TTC21A: variants seen among roughly 807,000 people sequenced by gnomAD.
TTC21A encodes the protein tetratricopeptide repeat domain 21A.
TTC21A carries 128 observed loss-of-function variants against 156.4 expected under a neutral mutation model. That is an observed-to-expected ratio of 0.82 (90% CI 0.71 to 0.95). The LOEUF (loss-of-function observed/expected upper bound fraction) is 0.95, where lower values mean the gene tolerates loss of function less well. TTC21A is among the 40% of genes least tolerant of loss of function. TTC21A has a pLI of 0.00. For missense variants in TTC21A, 1,435 were observed against 1,602.3 expected (o/e 0.90, Z 1.78); for synonymous variants, 587 against 617.1 (o/e 0.95, Z 0.72).
At chr3:39,108,188 A>G (rs2036409617) in intron 1 of TTC21A, 3 of 546,912 alleles carry the variant, frequency 5.5e-6, no homozygotes, top group Non-Finnish European at 9.7e-6. Context: ...TGGCTTCACC[A>G]TTTAATCTCC....
Position 39,134,220 on chromosome 3 carries a change from G to A in TTC21A, c.2754G>A (p.Val918=), listed in dbSNP as rs1559713663. 1.2e-6 allele frequency: 2 copies of A among 1,610,744 alleles called. No individual in the cohort carries two copies. Among genetic ancestry groups the A allele is most frequent in the South Asian group, 1.1e-5 (1 of 91,004 alleles). Residue 918 remains valine (V), a splice_region_variant and synonymous_variant, in exon 21 of 29, where the codon GTG becomes GTA. Coordinates refer to ENST00000683103, the MANE Select transcript of TTC21A (RefSeq NM_001366900.1). This position sits in a 1 kb window ranked among gnomAD's most constrained non-coding sequence, Gnocchi z 4.6. ...TATTATATCCGGCCTTGTCCCAGGTGATGCTGGAGCTGGCGCAGCTCTACC... is the reference window on the plus strand; with the variant it reads ...TATTATATCCGGCCTTGTCCCAGGTAATGCTGGAGCTGGCGCAGCTCTACC... ...VFSYLPTDNK[V]MLELAQLYLL...
At chr3:39,113,696 T>C (rs1267617702) in intron 5 of TTC21A, among the ~76,000 whole-genome samples, 1 of 152,250 alleles carries the variant, frequency 6.6e-6, no homozygotes, top group Admixed American at 6.5e-5. Context: ...AGTTTGTTTT[T>C]CTTCATGTAA....
chr3:39,126,161 G>A, intron 11 of TTC21A, 100 bp from the exon 12 acceptor site: 3 of 1,464,754 alleles, frequency 2.0e-6, no homozygotes, highest in Non-Finnish European at 1.9e-6. Flanking sequence ...AGTGTGGAAT[G>A]AAGCAAAATT....
Position 39,131,029 on chromosome 3 carries a change from C to T in TTC21A, c.2496C>T (p.Cys832=). The change falls in exon 19 of 29, where the codon TGC becomes TGT. Residue 832 remains cysteine, a synonymous_variant. Coordinates refer to ENST00000683103, the MANE Select transcript of TTC21A (RefSeq NM_001366900.1). ...DIPSMMNDVK[C]LLLLAKVYKS... is the part of the protein sequence containing the mutation. ...CATCCATGATGAATGATGTTAAGTG[C>T]CTGCTTTTGCTGGCAAAGGTTTACA... 6.2e-7 allele frequency: 1 copy of T among 1,613,862 alleles called. No individual in the cohort carries two copies. Among genetic ancestry groups the T allele is most frequent in the Non-Finnish European group, 8.5e-7 (1 of 1,180,018 alleles).
At chr3:39,128,306 G>A (rs369535806) in intron 12 of TTC21A, 25 bp from the exon 13 acceptor site, 3 of 1,612,042 alleles carry the variant, frequency 1.9e-6, no homozygotes, top group East Asian at 2.2e-5. Context: ...AACCCTGCAT[G>A]TAGAGGTTTG....
At chr3:39,108,074 G>C in intron 1 of TTC21A, 2 of 601,078 alleles carry the variant, frequency 3.3e-6, no homozygotes, top group South Asian at 4.0e-5. Flanking sequence ...CCCGTTTCTT[G>C]AGCTACCCCA....
Position 39,125,477 on chromosome 3 carries a change from A to C in TTC21A, c.1337A>C (p.Asp446Ala), listed in dbSNP as rs1414777487. ...PLGSEYFEKL[D>A]PYFLVCIAKE... Reference sequence around the variant, plus strand: ...GGCTCTGAGTACTTTGAAAAGCTGGACCCGTACTTCCTGGTCTGCATTGCT... The same window carrying C: ...GGCTCTGAGTACTTTGAAAAGCTGGCCCCGTACTTCCTGGTCTGCATTGCT... Residue 446 changes from aspartate (D) to alanine (A), a missense_variant, in exon 11 of 29, where the codon GAC becomes GCC. Coordinates refer to ENST00000683103, the MANE Select transcript of TTC21A (RefSeq NM_001366900.1). The C allele has an allele frequency of 6.2e-7, 1 of 1,614,012 alleles. No homozygotes were observed. The highest frequency in any genetic ancestry group is 2.2e-5 in the East Asian group (1 of 44,880).
At chr3:39,126,520 A>ACC in intron 12 of TTC21A, 130 bp downstream of exon 12, 1 of 821,594 alleles carries the variant, frequency 1.2e-6, no homozygotes, top group Non-Finnish European at 1.8e-6. Flanking sequence ...ACACACACAC[A>ACC]CTCTCCTTGC....
At position 39,125,457 on chromosome 3, in the gene TTC21A, T is replaced by C; in HGVS notation, c.1317T>C (p.Ser439=). ...GCATGCAAGGCATCCCTCTTGGCTC[T>C]GAGTACTTTGAAAAGCTGGACCCGT... The part of the protein sequence containing the change: ...FSSMQGIPLG[S]EYFEKLDPYF... The change falls in exon 11 of 29, where the codon TCT becomes TCC. Residue 439 remains serine, a synonymous_variant. Transcript: ENST00000683103. The C allele has an allele frequency of 6.2e-7, 1 of 1,614,118 alleles. No individual in the cohort carries two copies. The highest frequency in any genetic ancestry group is 8.5e-7 in the Non-Finnish European group (1 of 1,179,956).
At chr3:39,107,997 C>G in intron 1 of TTC21A, 133 bp downstream of exon 1, 1 of 1,132,482 alleles carries the variant, frequency 8.8e-7, no homozygotes, top group Non-Finnish European at 1.3e-6. Flanking sequence ...CTTTTCTTGC[C>G]CCACTCCCCC....
In TTC21A at chr3:39,118,507, G is replaced by A. The variant is rs992698603; in HGVS notation, c.801+354G>A. 54 of 328,480 alleles carry A rather than the reference G, an allele frequency of 1.6e-4. 1 individual carries two copies. The highest frequency in any genetic ancestry group is 8.6e-4 in the Middle Eastern group (1 of 1,158). 20.3% of individuals were successfully genotyped at this position (328,480 alleles called of 1,614,324 possible). The stretch of plus-strand genomic sequence containing the variant: ...ATGTGATAAGAAGTGGGAGAGTTTG[G>A]AACAGTCCCTGGCACACTACAGTAA... On this transcript the variant is annotated intron_variant, in intron 7 of 28. Transcript: ENST00000683103.
rs2038135915 is a variant in TTC21A, at chr3:39,125,354, T to A, written c.1214T>A (p.Leu405His). 1 of 1,614,052 alleles carries A rather than the reference T, an allele frequency of 6.2e-7. No individual in the cohort carries two copies. The highest frequency in any genetic ancestry group is 8.5e-7 in the Non-Finnish European group (1 of 1,180,010). ...KSEVLIFLQA[L>H]LMSRKHKGEE... ...CAGGTGCTAATTTTCCTCCAAGCCC[T>A]CCTGATGTCCAGGAAGCACAAGGGG... Residue 405 changes from leucine (L) to histidine (H), a missense_variant, in exon 11 of 29, where the codon CTC (leucine) becomes CAC (histidine). Transcript: ENST00000683103.
In TTC21A at chr3:39,136,346, T is replaced by C. The variant is rs752281459; in HGVS notation, c.2945-11T>C. The C allele has an allele frequency of 2.7e-5, 44 of 1,608,704 alleles. No individual in the cohort carries two copies. The highest frequency in any genetic ancestry group is 3.5e-5 in the Non-Finnish European group (41 of 1,176,682). The stretch of plus-strand genomic sequence containing the variant: ...GCATTTCAGCCTGGAGATTTCTGTC[T>C]CTTATTTTAGACAATTTTTTGGTAT... On this transcript the variant is annotated splice_polypyrimidine_tract_variant and intron_variant, in intron 22 of 28. Coordinates refer to ENST00000683103, the MANE Select transcript of TTC21A (RefSeq NM_001366900.1).
intron 19 of TTC21A, 36 bp from the exon 20 acceptor site, chr3:39,133,016 C>CT (rs1420485147): frequency 1.2e-6 from 2 of 1,609,234 alleles, no homozygotes. Context: ...ATGTCAGGCT[C>CT]TGAGTTTCTG....
chr3:39,112,035 G>A (rs760454391), intron 4 of TTC21A, among the ~76,000 whole-genome samples: 4 of 152,222 alleles, frequency 2.6e-5, no homozygotes, highest in Non-Finnish European at 5.9e-5. Context: ...CCTCGTGCTG[G>A]CCTAAGGAGT....
Position 39,107,730 on chromosome 3 carries a change from G to A in TTC21A, c.-108G>A. 1 of 1,519,808 alleles carries A rather than the reference G, an allele frequency of 6.6e-7. No homozygotes were observed. 94.1% of individuals were successfully genotyped at this position (1,519,808 alleles called of 1,614,324 possible). ...GCTAGCAGCTCGGTTTCCAAGGACT[G>A]TAACGCCTTCAACCGCCCGCCGCGA... On this transcript the variant is annotated 5_prime_UTR_variant, in exon 1 of 29. Coordinates refer to ENST00000683103, the MANE Select transcript of TTC21A (RefSeq NM_001366900.1).
At position 39,126,243 on chromosome 3, in the gene TTC21A, A is replaced by G. The variant is rs1167183703; in HGVS notation, c.1393-18A>G. ...ATAGGGCAAACCTACTCCCACCTCC[A>G]CCGCCGTGTTCCCACAGCCCAGGTT... is the stretch of plus-strand genomic sequence containing the variant. On this transcript the variant is annotated intron_variant, in intron 11 of 28. Transcript: ENST00000683103. The G allele has an allele frequency of 6.2e-7, 1 of 1,613,670 alleles. No homozygotes were observed. The highest frequency in any genetic ancestry group is 1.7e-5 in the Admixed American group (1 of 59,970).
intron 3 of TTC21A, 128 bp from the exon 4 acceptor site, chr3:39,110,723 T>G: frequency 7.4e-6 from 7 of 946,872 alleles, no homozygotes; most frequent in African/African-American, 1.7e-5. Flanking sequence ...GTGCTGCATA[T>G]GTTGAAGGAG....
intron 5 of TTC21A, 94 bp downstream of exon 5, chr3:39,112,674 C>T: frequency 6.6e-7 from 1 of 1,518,620 alleles, no homozygotes. Context: ...CCCTCGTAGT[C>T]TCCAGATGCC....
Sources: allele counts gnomAD v4.1 joint callset (sites outside exome capture counted in the v4.1 genomes callset), GRCh38; gene constraint gnomAD v4.1.1; non-coding constraint Gnocchi (gnomAD v3.1); transcripts MANE v1.5; gene names NCBI Gene and HGNC (gene_info 2026-07-23, HGNC 2026-07-21).